The following PPFIBP1 variants were observed in gnomAD, a reference collection of about 807,000 sequenced individuals.
PPFIBP1 encodes the protein PPFIB scaffold protein 1.
In PPFIBP1, 112 loss-of-function variants were observed where a neutral mutation model predicts 137.8. The ratio of observed to expected loss-of-function variants is 0.81; its 90% CI spans 0.70 to 0.95. The LOEUF (loss-of-function observed/expected upper bound fraction) is 0.95, where lower values mean the gene tolerates loss of function less well. PPFIBP1 is among the 40% of genes least tolerant of loss of function. The pLI, the probability that PPFIBP1 is intolerant of heterozygous loss-of-function variation, is 0.00. For missense variants in PPFIBP1, 1,083 were observed against 1,196.6 expected, an observed-to-expected ratio of 0.91 and a Z score of 1.40; for synonymous variants, 378 against 417.3, an observed-to-expected ratio of 0.91 and a Z score of 1.15.
At chr12:27,661,969 A>T (rs1212641375) in intron 11 of PPFIBP1, among the ~76,000 whole-genome samples, 5 of 151,976 alleles carry the variant, frequency 3.3e-5, no homozygotes, top group Admixed American at 2.6e-4. Context: ...ATTTTTTTTT[A>T]AATCACTGAA....
chr12:27,566,567 G>C (rs1490866265), intron 1 of PPFIBP1, among the ~76,000 whole-genome samples: 1 of 152,186 alleles, frequency 6.6e-6, no homozygotes, highest in East Asian at 1.9e-4. Flanking sequence ...GCTTTAGTTT[G>C]AGGAGGAGAT....
At chr12:27,576,868 C>G (rs2050612238) in intron 1 of PPFIBP1, among the ~76,000 whole-genome samples, 1 of 152,220 alleles carries the variant, frequency 6.6e-6, no homozygotes, top group Non-Finnish European at 1.5e-5. Flanking sequence ...CCACTCACTT[C>G]TGCCTCTGCT....
At chr12:27,656,114 G>A (rs1000118508) in intron 8 of PPFIBP1, among the ~76,000 whole-genome samples, 9 of 152,154 alleles carry the variant, frequency 5.9e-5, no homozygotes, top group Non-Finnish European at 8.8e-5. Flanking sequence ...TTAGTTCCCT[G>A]ATTTGGCTAA....
intron 6 of PPFIBP1, among the ~76,000 whole-genome samples, chr12:27,648,450 A>G (rs556175725): frequency 6.6e-6 from 1 of 152,182 alleles, no homozygotes; most frequent in East Asian, 1.9e-4. Context: ...AGGTTCCTCA[A>G]AAAACTGAAA....
At chr12:27,625,606 A>C (rs1452160899) in intron 2 of PPFIBP1, among the ~76,000 whole-genome samples, 1 of 144,824 alleles carries the variant, frequency 6.9e-6, no homozygotes, top group African/African-American at 2.6e-5. Flanking sequence ...TTGGAGACAG[A>C]GTCTTGCTCT....
At chr12:27,553,426 G>C (rs949388213) in intron 1 of PPFIBP1, among the ~76,000 whole-genome samples, 1 of 152,150 alleles carries the variant, frequency 6.6e-6, no homozygotes, top group Non-Finnish European at 1.5e-5. Flanking sequence ...AGCCAAGAGT[G>C]CCCAGTGAAG....
chr12:27,556,632 C>G (rs945137726), intron 1 of PPFIBP1, among the ~76,000 whole-genome samples: 1 of 152,166 alleles, frequency 6.6e-6, no homozygotes, highest in African/African-American at 2.4e-5. Flanking sequence ...TGCTTTGCTG[C>G]TGGCAGTCTG....
At chr12:27,535,391 TTTGTTG>T (rs570614529) in intron 1 of PPFIBP1, among the ~76,000 whole-genome samples, 193 of 151,376 alleles carry the variant, frequency 1.3e-3, no homozygotes, top group African/African-American at 4.4e-3. Context: ...CAATGTTGTT[TTTGTTG>T]TTGTTGTTGT....
chr12:27,578,315 T>C (rs1287979326), intron 2 of PPFIBP1, 76 bp downstream of exon 2: 1 of 152,192 alleles, frequency 6.6e-6, no homozygotes, highest in African/African-American at 2.4e-5. Flanking sequence ...TGTGTGTGAA[T>C]TTTTTTCCAG....
rs547971217 is a variant in PPFIBP1, at chr12:27,584,461, C to T, written c.-36+6222C>T. 4 of 152,356 alleles carry T rather than the reference C, an allele frequency of 2.6e-5. No individual in the cohort carries two copies. The South Asian group carries it at 6.2e-4, about 24-fold the overall frequency. The allele number at this position is 152,356 out of a possible 1,614,324, so 9.4% of individuals were successfully genotyped here. ...CTCCGCCATGGTGACCGAGAATTCT[C>T]GCTCCTTTGCATGTGTCTGTGAATG... is the stretch of plus-strand genomic sequence containing the variant. On this transcript the variant is annotated intron_variant, in intron 2 of 29. Transcript: ENST00000228425.
chr12:27,534,126 A>G (rs1287902399), intron 1 of PPFIBP1, among the ~76,000 whole-genome samples: 1 of 152,148 alleles, frequency 6.6e-6, no homozygotes, highest in African/African-American at 2.4e-5. Context: ...GCTCAGGTAG[A>G]GAGGAGGATA....
At position 27,689,168 on chromosome 12, in the gene PPFIBP1, G is replaced by A. The variant is rs772306669; in HGVS notation, c.2650G>A (p.Asp884Asn). The change falls in exon 27 of 30, where the codon GAT becomes AAT. Residue 884 changes from aspartate to asparagine, a missense_variant. Physicochemically the swap from Asp to Asn is conservative, Grantham distance 23. Coordinates refer to ENST00000228425, the MANE Select transcript of PPFIBP1 (RefSeq NM_003622.4). ...GAAGCGAGATGCCATGGAGCTGCCGGATTATGTACTTCTAACAGCTACTGC... is the reference window on the plus strand; with the variant it reads ...GAAGCGAGATGCCATGGAGCTGCCGAATTATGTACTTCTAACAGCTACTGC... ...HQKRDAMELP[D>N]YVLLTATAKV... The A allele has an allele frequency of 9.4e-6, 15 of 1,588,898 alleles. No homozygotes were observed. In the Admixed American group the frequency reaches 2.1e-4, roughly 22 times the overall value.
intron 9 of PPFIBP1, among the ~76,000 whole-genome samples, chr12:27,657,411 A>G (rs1365514946): frequency 6.6e-6 from 1 of 151,660 alleles, no homozygotes; most frequent in Non-Finnish European, 1.5e-5. Flanking sequence ...TGACAACACT[A>G]GGTTAAATTT....
chr12:27,688,252 GA>G, intron 25 of PPFIBP1, 45 bp from the exon 26 acceptor site: 2 of 1,599,746 alleles, frequency 1.3e-6, no homozygotes, highest in Non-Finnish European at 1.7e-6. Context: ...TTTTTAGACA[GA>G]AAATGCAATT....
At chr12:27,544,042 A>G (rs1332032995) in intron 1 of PPFIBP1, among the ~76,000 whole-genome samples, 1 of 151,256 alleles carries the variant, frequency 6.6e-6, no homozygotes, top group East Asian at 2.0e-4. Context: ...ACCATGCCCA[A>G]CTAATTTTTT....
At chr12:27,549,466 C>T (rs1327312467) in intron 1 of PPFIBP1, 1 of 150,092 alleles carries the variant, frequency 6.7e-6, no homozygotes, top group East Asian at 1.9e-4. Flanking sequence ...CTCACGTCTG[C>T]AAAGAATGAA....
At chr12:27,609,356 A>G (rs541738478) in intron 2 of PPFIBP1, among the ~76,000 whole-genome samples, 7 of 152,144 alleles carry the variant, frequency 4.6e-5, no homozygotes, top group Non-Finnish European at 1.0e-4. Flanking sequence ...TCTTTTCAGT[A>G]CCACAGGCTG....
intron 10 of PPFIBP1, among the ~76,000 whole-genome samples, chr12:27,660,620 T>C (rs1429961960): frequency 6.6e-6 from 1 of 152,248 alleles, no homozygotes; most frequent in African/African-American, 2.4e-5. Flanking sequence ...AAGATTCTCT[T>C]GTTGCTTTAA....
In PPFIBP1 at chr12:27,529,685, C is replaced by G. The variant is rs150990439; in HGVS notation, c.-124+5320C>G. 3.3e-3 allele frequency among the ~76,000 whole-genome samples: 496 copies of G among 152,314 alleles called. 3 individuals are homozygous for G. The highest frequency in any genetic ancestry group is 0.012 in the African/African-American group (487 of 41,558). On this transcript the variant is annotated intron_variant, in intron 1 of 29. Coordinates refer to ENST00000228425, the MANE Select transcript of PPFIBP1 (RefSeq NM_003622.4). ...CTCCAGCCTGGGCAACAGAGCAAGA[C>G]TCTGTCTAAAATAATAATAATAGTA...
Sources: allele counts gnomAD v4.1 joint callset (sites outside exome capture counted in the v4.1 genomes callset), GRCh38; gene constraint gnomAD v4.1.1; transcripts MANE v1.5; gene names NCBI Gene and HGNC (gene_info 2026-07-23, HGNC 2026-07-21).